The following PILRB variants were observed in gnomAD, a reference collection of about 807,000 sequenced individuals.
PILRB encodes paired immunoglobin like type 2 receptor beta, also known as paired immunoglobulin-like type 2 receptor beta.
Under a neutral mutation model 20.5 loss-of-function variants are expected in PILRB, and 21 were observed. That is an observed-to-expected ratio of 1.02 (90% CI 0.72 to 1.47). The LOEUF (loss-of-function observed/expected upper bound fraction) is 1.47, where lower values mean the gene tolerates loss of function less well. Among genes scored for constraint, PILRB ranks in the 40% most tolerant of loss-of-function variants. The probability of loss-of-function intolerance (pLI) is 0.00; values close to 1 mark genes in which losing one functional copy is unlikely to be tolerated. For missense variants in PILRB, 253 were observed against 272.1 expected (o/e 0.93, Z 0.49); for synonymous variants, 133 against 115.1 (o/e 1.16, Z -0.99).
intron 2 of PILRB, 84 bp from the exon 3 acceptor site, chr7:100,359,253 A>C (rs1430408240): frequency 2.0e-5 from 30 of 1,537,706 alleles, no homozygotes; most frequent in Non-Finnish European, 2.4e-5. Flanking sequence ...GAATGTCCCC[A>C]ATCTAGAAAG....
At position 100,358,666 on chromosome 7, in the gene PILRB, CCACT is replaced by C. The variant is rs778793785; in HGVS notation, c.65-18_65-15del. 2.8e-5 allele frequency: 45 copies of C among 1,609,712 alleles called. No individual in the cohort carries two copies. Among genetic ancestry groups the C allele is most frequent in the African/African-American group, 4.0e-5 (3 of 74,792 alleles). On this transcript the variant is annotated intron_variant, in intron 1 of 3. Transcript: ENST00000609309. The stretch of plus-strand genomic sequence containing the variant: ...CTGAGGTGGTTTCAAGGTCTCTCCC[CCACT>C]CACTCCCTCCTTCCTCTAGGTGGCT...
intron 3 of PILRB, among the ~76,000 whole-genome samples, chr7:100,363,081 G>C (rs1790577303): frequency 6.7e-6 from 1 of 149,554 alleles, no homozygotes; most frequent in Admixed American, 6.7e-5. Context: ...ATTACATGAG[G>C]CTATGAGTTT....
chr7:100,367,453 C>T lies in PILRB; in HGVS notation c.*76C>T, dbSNP rs1790730336. 3 of 770,668 alleles carry T rather than the reference C, an allele frequency of 3.9e-6. No individual in the cohort carries two copies. The highest frequency in any genetic ancestry group is 1.3e-5 in the South Asian group (1 of 74,406). The allele number at this position is 770,668 out of a possible 1,614,324, so 47.7% of individuals were successfully genotyped here. On this transcript the variant is annotated 3_prime_UTR_variant, in exon 4 of 4. Coordinates refer to ENST00000609309, the MANE Select transcript of PILRB (RefSeq NM_178238.4). The stretch of plus-strand genomic sequence containing the variant: ...GTGAGACCCGCTTGTGAGTCCTCCA[C>T]ACTCGTTCCCCATTGGCAAGATACA...
chr7:100,363,745 G>A (rs998713860), intron 3 of PILRB, among the ~76,000 whole-genome samples: 1 of 152,178 alleles, frequency 6.6e-6, no homozygotes, highest in Non-Finnish European at 1.5e-5. Flanking sequence ...CGTGAACAGA[G>A]AGGACACGCA....
intron 3 of PILRB, among the ~76,000 whole-genome samples, chr7:100,364,725 A>T (rs746550938): frequency 4.6e-5 from 7 of 152,260 alleles, no homozygotes; most frequent in Admixed American, 1.3e-4. Context: ...AATTGAAAGC[A>T]GGGTCAGGAA....
At chr7:100,358,487 G>A (rs1352803885) in intron 1 of PILRB, 121 bp downstream of exon 1, 2 of 1,321,972 alleles carry the variant, frequency 1.5e-6, no homozygotes, top group Admixed American at 4.3e-5. Context: ...ACAAGGGCGG[G>A]TCCCATAGGG....
At chr7:100,359,577 C>T (rs771270098) in intron 3 of PILRB, 40 bp downstream of exon 3, 2 of 1,565,302 alleles carry the variant, frequency 1.3e-6, no homozygotes, top group Admixed American at 3.4e-5. Flanking sequence ...AGCTTCCCAG[C>T]TGGGGGTTTC....
At chr7:100,361,780 T>C (rs528299413) in intron 3 of PILRB, among the ~76,000 whole-genome samples, 1 of 152,260 alleles carries the variant, frequency 6.6e-6, no homozygotes, top group African/African-American at 2.4e-5. Context: ...GAGTAGGGGC[T>C]GCCTGCAGTC....
intron 3 of PILRB, among the ~76,000 whole-genome samples, chr7:100,364,778 T>C (rs1790628537): frequency 6.6e-6 from 1 of 152,196 alleles, no homozygotes. Flanking sequence ...TTACTCAAAA[T>C]ACCCCAAACG....
chr7:100,364,398 C>G (rs1324993284), intron 3 of PILRB, among the ~76,000 whole-genome samples: 1 of 152,110 alleles, frequency 6.6e-6, no homozygotes, highest in Non-Finnish European at 1.5e-5. Flanking sequence ...GGTGATGAGA[C>G]AAGATGGTGG....
chr7:100,367,294 G>T, intron 3 of PILRB, 55 bp from the exon 4 acceptor site: 1 of 779,974 alleles, frequency 1.3e-6, no homozygotes, highest in South Asian at 1.3e-5. Context: ...CAACTGCCTC[G>T]CCTGCCTCAC....
chr7:100,359,752 C>G (rs529397234), intron 3 of PILRB, among the ~76,000 whole-genome samples: 5 of 152,104 alleles, frequency 3.3e-5, no homozygotes, highest in African/African-American at 4.8e-5. Flanking sequence ...AGCCTGGGCG[C>G]GGTGGCTCAT....
At chr7:100,363,526 A>G (rs1790590616) in intron 3 of PILRB, among the ~76,000 whole-genome samples, 1 of 152,256 alleles carries the variant, frequency 6.6e-6, no homozygotes. Context: ...AACAAATGAA[A>G]GAAGACACAA....
Position 100,358,582 on chromosome 7 carries a change from G to A in PILRB, c.65-108G>A, listed in dbSNP as rs1790431364. ...AGGCCAGAGGTCAGTCCAGCCACCT[G>A]TCACACGACTGCCTGTGGGTGAAGG... is the stretch of plus-strand genomic sequence containing the variant. On this transcript the variant is annotated intron_variant, in intron 1 of 3. Coordinates refer to ENST00000609309, the MANE Select transcript of PILRB (RefSeq NM_178238.4). The A allele has an allele frequency of 2.8e-6, 4 of 1,434,668 alleles. No homozygotes were observed. In the Admixed American group the frequency reaches 6.0e-5, roughly 22 times the overall value. The allele number at this position is 1,434,668 out of a possible 1,614,324, so 88.9% of individuals were successfully genotyped here.
chr7:100,367,102 G>A (rs750304899), intron 3 of PILRB, among the ~76,000 whole-genome samples: 1 of 152,106 alleles, frequency 6.6e-6, no homozygotes. Context: ...CGTCAGCAGC[G>A]GACTAAAGCC....
At chr7:100,362,611 C>T (rs1790560901) in intron 3 of PILRB, among the ~76,000 whole-genome samples, 2 of 151,876 alleles carry the variant, frequency 1.3e-5, no homozygotes, top group African/African-American at 4.8e-5. Context: ...CGGGTTCAAG[C>T]GATTCTTCCA....
chr7:100,364,425 C>A (rs1425148640), intron 3 of PILRB, among the ~76,000 whole-genome samples: 5 of 152,292 alleles, frequency 3.3e-5, no homozygotes, highest in African/African-American at 4.8e-5. Context: ...GCACCATCAT[C>A]CCCAGACCCA....
chr7:100,363,662 C>CA (rs1790593958), intron 3 of PILRB, among the ~76,000 whole-genome samples: 1 of 152,148 alleles, frequency 6.6e-6, no homozygotes, highest in African/African-American at 2.4e-5. Context: ...TGTTTTTGCT[C>CA]AAACAAAAAA....
chr7:100,365,905 C>G (rs1010389627), intron 3 of PILRB, among the ~76,000 whole-genome samples: 5 of 151,074 alleles, frequency 3.3e-5, no homozygotes, highest in African/African-American at 1.2e-4. Flanking sequence ...TTAACACTGC[C>G]AAACTGTACA....
Sources: allele counts gnomAD v4.1 joint callset (sites outside exome capture counted in the v4.1 genomes callset), GRCh38; gene constraint gnomAD v4.1.1; transcripts MANE v1.5; gene names NCBI Gene and HGNC (gene_info 2026-07-23, HGNC 2026-07-21).